Variants in SPAG9 observed in about 807,000 individuals in gnomAD.
SPAG9 encodes C-Jun-amino-terminal kinase-interacting protein 4.
Under a neutral mutation model 166.5 loss-of-function variants are expected in SPAG9, and 35 were observed. The ratio of observed to expected loss-of-function variants is 0.21; its 90% confidence interval spans 0.16 to 0.28. The LOEUF (loss-of-function observed/expected upper bound fraction) is 0.28, where lower values mean the gene tolerates loss of function less well. Ranked by LOEUF, SPAG9 falls within the 10% of genes least tolerant of loss-of-function variation. The probability of loss-of-function intolerance (pLI) is 1.00; values close to 1 mark genes in which losing one functional copy is unlikely to be tolerated. For missense variants in SPAG9, 1,235 were observed against 1,603.3 expected (o/e 0.77, Z 3.92); for synonymous variants, 534 against 565.5 (o/e 0.94, Z 0.79).
At chr17:51,034,151 T>G (rs1329176316) in intron 5 of SPAG9, among the ~76,000 whole-genome samples, 4 of 152,240 alleles carry the variant, frequency 2.6e-5, no homozygotes, top group Non-Finnish European at 5.9e-5. Context: ...TAGAACAAAT[T>G]CCTTATCCAC....
intron 1 of SPAG9, among the ~76,000 whole-genome samples, chr17:51,096,442 T>C (rs1002769620): frequency 6.6e-6 from 1 of 152,046 alleles, no homozygotes; most frequent in East Asian, 1.9e-4. Context: ...GCAGGAAGTG[T>C]TGGCAAAGAT....
At chr17:50,979,558 G>A (rs765587625) in intron 26 of SPAG9, among the ~76,000 whole-genome samples, 188 bp downstream of exon 26, 4 of 151,552 alleles carry the variant, frequency 2.6e-5, no homozygotes, top group Admixed American at 6.6e-5. Context: ...CAGCTACTCC[G>A]GAGGCTGAGG....
Position 50,966,046 on chromosome 17 carries a change from T to C in SPAG9, c.*226A>G. 8.9e-6 allele frequency: 4 copies of C among 449,804 alleles called. No homozygotes were observed. The highest frequency in any genetic ancestry group is 1.2e-5 in the Non-Finnish European group (3 of 246,030). The allele number at this position is 449,804 out of a possible 1,614,324, so 27.9% of individuals were successfully genotyped here. ...TGCAGGAAGTAAACATTCTTTGATT[T>C]GTTCATAATATACTGAAGTTACCTA... On this transcript the variant is annotated 3_prime_UTR_variant, in exon 30 of 30. Coordinates refer to ENST00000262013, the MANE Select transcript of SPAG9 (RefSeq NM_001130528.3).
At chr17:50,973,308 A>AAGGAG (rs1314126605) in intron 28 of SPAG9, among the ~76,000 whole-genome samples, 1 of 152,214 alleles carries the variant, frequency 6.6e-6, no homozygotes, top group Admixed American at 6.5e-5. Context: ...TGGAGAGGAA[A>AAGGAG]AGGAGAGGAG....
intron 2 of SPAG9, among the ~76,000 whole-genome samples, chr17:51,067,284 A>G (rs1031475330): frequency 3.9e-5 from 6 of 152,192 alleles, no homozygotes; most frequent in Admixed American, 3.9e-4. Flanking sequence ...AAGATGGTAT[A>G]AACACTTTTG....
At chr17:51,104,168 A>C (rs2048877958) in intron 1 of SPAG9, among the ~76,000 whole-genome samples, 1 of 152,142 alleles carries the variant, frequency 6.6e-6, no homozygotes, top group Non-Finnish European at 1.5e-5. Context: ...TCAGTTTTGG[A>C]CACGCTGGGA....
At chr17:51,077,608 G>C (rs546046045) in intron 2 of SPAG9, among the ~76,000 whole-genome samples, 188 of 152,002 alleles carry the variant, frequency 1.2e-3, no homozygotes, top group Non-Finnish European at 2.2e-3. Flanking sequence ...ATATCTATTA[G>C]TGGATGCCCT....
Position 50,963,000 on chromosome 17 carries a change from A to G in SPAG9, c.*3272T>C, listed in dbSNP as rs1973195379. The G allele has an allele frequency of 6.6e-6, 1 of 152,228 alleles. No individual in the cohort carries two copies. Among genetic ancestry groups the G allele is most frequent in the Non-Finnish European group, 1.5e-5 (1 of 68,048 alleles). 9.4% of individuals were successfully genotyped at this position (152,228 alleles called of 1,614,324 possible). ...TGGGTTAGAGAAAAATACTCTCAAA[A>G]GTGAGTTCCTAGAGAATATTATCCC... On this transcript the variant is annotated 3_prime_UTR_variant, in exon 30 of 30. Transcript: ENST00000262013.
intron 2 of SPAG9, among the ~76,000 whole-genome samples, chr17:51,066,040 A>T (rs937112115): frequency 1.3e-5 from 2 of 152,214 alleles, no homozygotes; most frequent in Non-Finnish European, 2.9e-5. Flanking sequence ...ATATCAGCTT[A>T]TAAACATGTA....
chr17:50,999,539 C>T (rs2044834959), intron 14 of SPAG9, 122 bp downstream of exon 14: 2 of 1,457,354 alleles, frequency 1.4e-6, no homozygotes, highest in East Asian at 2.5e-5. Context: ...AACCATTACC[C>T]CTAGTTTAAA....
At chr17:51,021,481 A>G (rs2045934688) in intron 6 of SPAG9, 116 bp from the exon 7 acceptor site, 3 of 814,982 alleles carry the variant, frequency 3.7e-6, no homozygotes, top group African/African-American at 3.5e-5. Context: ...TTCCAAAATA[A>G]AGGCAATAAA....
chr17:50,969,674 T>G (rs1973624873), intron 29 of SPAG9, among the ~76,000 whole-genome samples: 1 of 152,166 alleles, frequency 6.6e-6, no homozygotes, highest in Non-Finnish European at 1.5e-5. Flanking sequence ...TAAAATAGTT[T>G]TTCTTCCATT....
chr17:50,980,792 G>A (rs983917901), intron 25 of SPAG9, among the ~76,000 whole-genome samples: 2 of 114,756 alleles, frequency 1.7e-5, no homozygotes, highest in African/African-American at 6.3e-5. Context: ...GAGCCCAGGA[G>A]TTTGAGGCCA....
Position 50,982,662 on chromosome 17 carries a change from C to G in SPAG9, c.3099G>C (p.Trp1033Cys). ...CTAAGAGGTGATAGTTTGACAAATC[C>G]CACTGCCCATCTTTAAAAAAAATAA... ...AIFHRGVDGQ[W>C]DLSNYHLLDL... Residue 1033 changes from tryptophan to cysteine, a missense_variant, in exon 25 of 30, where the codon TGG becomes TGC. Around this residue, in one of 6 missense-constraint regions of SPAG9, gnomAD observed 493 missense variants for 559.4 expected, o/e 0.88. Coordinates refer to ENST00000262013, the MANE Select transcript of SPAG9 (RefSeq NM_001130528.3). 6.2e-7 allele frequency: 1 copy of G among 1,604,678 alleles called. No individual in the cohort carries two copies. Among genetic ancestry groups the G allele is most frequent in the East Asian group, 2.2e-5 (1 of 44,810 alleles).
intron 6 of SPAG9, among the ~76,000 whole-genome samples, chr17:51,022,619 C>T (rs538175435): frequency 1.7e-4 from 25 of 149,622 alleles, no homozygotes; most frequent in African/African-American, 5.6e-4. Context: ...AAAAAGTTTA[C>T]AGCCACCACC....
In SPAG9 at chr17:50,990,479, C is replaced by G; in HGVS notation, c.2588G>C (p.Gly863Ala). The change falls in exon 20 of 30, where the codon GGT (glycine) becomes GCT (alanine). Residue 863 changes from glycine (G) to alanine (A), a missense_variant. Gly to Ala is a moderately conservative substitution (Grantham distance 60). Around this residue, in one of 6 missense-constraint regions of SPAG9, gnomAD observed 493 missense variants for 559.4 expected, o/e 0.88. Coordinates refer to ENST00000262013, the MANE Select transcript of SPAG9 (RefSeq NM_001130528.3). The part of the protein sequence containing the change: ...TGAATSPSTN[G>A]ASPVMDKPPE... Reference sequence around the variant, plus strand: ...TGGTTTATCCATCACTGGAGAAGCACCATTTGTACTAGGGGAAGTGGCAGC... The same window carrying G: ...TGGTTTATCCATCACTGGAGAAGCAGCATTTGTACTAGGGGAAGTGGCAGC... 3 of 1,614,172 alleles carry G rather than the reference C, an allele frequency of 1.9e-6. No individual in the cohort carries two copies. Among genetic ancestry groups the G allele is most frequent in the East Asian group, 4.5e-5 (2 of 44,892 alleles).
In SPAG9 at chr17:50,966,345, G is replaced by A; in HGVS notation, c.3893C>T (p.Pro1298Leu). 1 of 1,613,826 alleles carries A rather than the reference G, an allele frequency of 6.2e-7. No homozygotes were observed. The highest frequency in any genetic ancestry group is 1.7e-5 in the Admixed American group (1 of 60,018). ...GESELLGEDL[P>L]LEPSVTKAER... ...TGCTTTGGTGACAGAAGGTTCAAGT[G>A]GAAGATCCTCTCCAAGAAGTTCTGA... Residue 1298 changes from proline (P) to leucine (L), a missense_variant, in exon 30 of 30, where the codon CCA becomes CTA. Around this residue, in one of 6 missense-constraint regions of SPAG9, gnomAD observed 243 missense variants for 358.6 expected, o/e 0.68. Coordinates refer to ENST00000262013, the MANE Select transcript of SPAG9 (RefSeq NM_001130528.3).
intron 1 of SPAG9, among the ~76,000 whole-genome samples, chr17:51,086,518 T>C (rs1598154776): frequency 6.7e-6 from 1 of 149,504 alleles, no homozygotes; most frequent in African/African-American, 2.5e-5. Context: ...CCAGGCATGG[T>C]GGCATGCACC....
rs1783948139 is a variant in SPAG9, at chr17:50,989,439, T to C, written c.2813+238A>G. On this transcript the variant is annotated intron_variant, in intron 21 of 29. Transcript: ENST00000262013. ...ATCCCCATTGTTGACTGATGCATGA[T>C]TATACTTTTATAGATAAGATTTTTT... 7.2e-6 allele frequency: 4 copies of C among 557,024 alleles called. No homozygotes were observed. The Admixed American group carries it at 1.2e-4, about 17-fold the overall frequency. 34.5% of individuals were successfully genotyped at this position (557,024 alleles called of 1,614,324 possible).
Sources: gnomAD v4.1 joint callset for allele counts (sites outside exome capture counted in the v4.1 genomes callset) on GRCh38, gnomAD v4.1.1 for gene constraint, gnomAD v4.1.1 regional missense constraint, MANE v1.5 for transcripts, NCBI Gene and HGNC (gene_info 2026-07-23, HGNC 2026-07-21) for gene names.